The following PLCG2 variants were observed in gnomAD, a reference collection of about 807,000 sequenced individuals.
PLCG2 encodes the protein phospholipase C gamma 2, also known as 1-phosphatidylinositol 4,5-bisphosphate phosphodiesterase gamma-2.
In PLCG2, 69 loss-of-function variants were observed where a neutral mutation model predicts 175.6. That is an observed-to-expected ratio of 0.39 (90% CI 0.32 to 0.48). The LOEUF (loss-of-function observed/expected upper bound fraction) is 0.48, where lower values mean the gene tolerates loss of function less well. Among genes scored for constraint, PLCG2 ranks in the 20% least tolerant of loss-of-function variants. The probability of loss-of-function intolerance (pLI) is 0.91; values close to 1 mark genes in which losing one functional copy is unlikely to be tolerated. For missense variants in PLCG2, 1,798 were observed against 1,650.9 expected (o/e 1.09, Z -1.54); for synonymous variants, 827 against 624.0 (o/e 1.33, Z -4.85).
intron 2 of PLCG2, among the ~76,000 whole-genome samples, chr16:81,827,275 T>A (rs536284104): frequency 5.9e-4 from 90 of 151,718 alleles, no homozygotes; most frequent in Admixed American, 3.3e-3. Flanking sequence ...CAGCCTCAGC[T>A]TCCCAGGATC....
chr16:81,907,809 C>T, intron 16 of PLCG2, 35 bp downstream of exon 16: 2 of 1,507,560 alleles, frequency 1.3e-6, no homozygotes, highest in South Asian at 1.1e-5. Context: ...GGGAGGAGGT[C>T]CCCAGGAACC....
At chr16:81,927,044 C>A (rs1288255968) in intron 22 of PLCG2, 38 bp from the exon 23 acceptor site, 2 of 1,383,040 alleles carry the variant, frequency 1.4e-6, no homozygotes, top group Non-Finnish European at 2.1e-6. Context: ...TTCATGCCAC[C>A]TGGTGACAGC....
intron 2 of PLCG2, among the ~76,000 whole-genome samples, chr16:81,761,556 C>G (rs943614061): frequency 6.6e-6 from 1 of 152,174 alleles, no homozygotes; most frequent in Non-Finnish European, 1.5e-5. Context: ...GCCTTTCAAA[C>G]TTGACCATGG....
chr16:81,859,291 G>T (rs376870668), intron 5 of PLCG2, 128 bp downstream of exon 5: 1 of 641,104 alleles, frequency 1.6e-6, no homozygotes, highest in Non-Finnish European at 2.9e-6. Flanking sequence ...TGTGATCTGC[G>T]GATGCCATGT....
chr16:81,910,803 C>T (rs542613562), intron 18 of PLCG2, 83 bp downstream of exon 18: 49 of 1,321,048 alleles, frequency 3.7e-5, no homozygotes, highest in African/African-American at 2.6e-4. Flanking sequence ...GTGGTTCAGC[C>T]GGGCCAGTCC....
At chr16:81,820,231 A>G (rs1349086461) in intron 2 of PLCG2, among the ~76,000 whole-genome samples, 1 of 152,196 alleles carries the variant, frequency 6.6e-6, no homozygotes, top group Non-Finnish European at 1.5e-5. Context: ...AGACATGTGT[A>G]ACCACCACCC....
intron 1 of PLCG2, chr16:81,739,582 C>G (rs1443742425): frequency 6.6e-6 from 1 of 152,434 alleles, no homozygotes; most frequent in Non-Finnish European, 1.5e-5. Flanking sequence ...GCTGGGACCC[C>G]TTCTCCTGCG....
intron 2 of PLCG2, among the ~76,000 whole-genome samples, chr16:81,763,842 T>TCGGC (rs1910089784): frequency 6.6e-6 from 1 of 151,428 alleles, no homozygotes; most frequent in Non-Finnish European, 1.5e-5. Flanking sequence ...TGGCAGGCAC[T>TCGGC]TGTAATCTCA....
chr16:81,869,182 A>T, intron 5 of PLCG2, 32 bp from the exon 6 acceptor site: 1 of 1,562,644 alleles, frequency 6.4e-7, no homozygotes, highest in Non-Finnish European at 8.8e-7. Context: ...AAAACCCTCA[A>T]GGTGACAGAA....
In PLCG2 at chr16:81,915,444, C is replaced by G. The variant is rs373423564; in HGVS notation, c.2054+2728C>G. Among the ~76,000 whole-genome samples the G allele has an allele frequency of 3.9e-5, 6 of 152,228 alleles. No homozygotes were observed. The East Asian group carries it at 1.2e-3, about 29-fold the overall frequency. ...ATCTCTTGGGCAGTGAAGCTGAGAC[C>G]TCAGGCTGTGGCCGTGGCATCCACG... is the stretch of plus-strand genomic sequence containing the variant. On this transcript the variant is annotated intron_variant, in intron 19 of 32. Transcript: ENST00000564138.
At chr16:81,795,543 G>C (rs535495636) in intron 2 of PLCG2, among the ~76,000 whole-genome samples, 188 of 152,348 alleles carry the variant, frequency 1.2e-3, no homozygotes, top group African/African-American at 4.4e-3. Context: ...ATCACAATGG[G>C]ACTCTGTGCT....
intron 6 of PLCG2, among the ~76,000 whole-genome samples, chr16:81,869,568 C>T (rs1284840464): frequency 2.0e-5 from 3 of 152,212 alleles, no homozygotes; most frequent in Non-Finnish European, 4.4e-5. Flanking sequence ...ATTAGTCCAG[C>T]TTTCCCTATT....
chr16:81,910,516 G>T lies in PLCG2; in HGVS notation c.1734-4G>T. 4 of 1,613,490 alleles carry T rather than the reference G, an allele frequency of 2.5e-6. No individual in the cohort carries two copies. The highest frequency in any genetic ancestry group is 3.4e-6 in the Non-Finnish European group (4 of 1,179,848). On this transcript the variant is annotated splice_polypyrimidine_tract_variant and splice_region_variant and intron_variant, in intron 17 of 32. Transcript: ENST00000564138. ...CCAGCACTGATGGCGTCCTCTCCCCGCAGGCGGTCAGGCCGGGTCCAGCAC... is the reference window on the plus strand; with the variant it reads ...CCAGCACTGATGGCGTCCTCTCCCCTCAGGCGGTCAGGCCGGGTCCAGCAC...
chr16:81,754,381 C>T (rs1368686275), intron 1 of PLCG2, among the ~76,000 whole-genome samples: 1 of 42,364 alleles, frequency 2.4e-5, no homozygotes, highest in Admixed American at 2.3e-4. Flanking sequence ...CTCCTCCCCA[C>T]CCCTCCCCAC....
At chr16:81,790,075 A>G in intron 2 of PLCG2, among the ~76,000 whole-genome samples, 1 of 152,142 alleles carries the variant, frequency 6.6e-6, no homozygotes, top group East Asian at 1.9e-4. Context: ...TTATCTGTGG[A>G]CTGGAAATAA....
rs758045517 is a variant in PLCG2, at chr16:81,907,761, A to G, written c.1544A>G (p.Glu515Gly). 3 of 1,613,118 alleles carry G rather than the reference A, an allele frequency of 1.9e-6. No individual in the cohort carries two copies. The highest frequency in any genetic ancestry group is 2.5e-6 in the Non-Finnish European group (3 of 1,179,420). Residue 515 changes from glutamate to glycine, a missense_variant, in exon 16 of 33, where the codon GAG (glutamate) becomes GGG (glycine). Coordinates refer to ENST00000564138, the MANE Select transcript of PLCG2 (RefSeq NM_002661.5). ...GATGACATTGAACAGACTATGGAGG[A>G]GGAAGTGCCCCAGGTAGGGGGACAC... is the stretch of plus-strand genomic sequence containing the variant. ...FSDDIEQTMEEEVPQDIPPTE... is the reference protein window; with the variant it reads ...FSDDIEQTMEGEVPQDIPPTE...
At chr16:81,769,609 T>C (rs1350378123) in intron 2 of PLCG2, among the ~76,000 whole-genome samples, 2 of 151,244 alleles carry the variant, frequency 1.3e-5, no homozygotes, top group East Asian at 3.9e-4. Context: ...GGTCAGGAGA[T>C]CGAGACCATC....
At chr16:81,855,896 T>C (rs921582306) in intron 3 of PLCG2, among the ~76,000 whole-genome samples, 6 of 152,074 alleles carry the variant, frequency 3.9e-5, no homozygotes, top group Non-Finnish European at 7.4e-5. Context: ...GGGGAGTTGG[T>C]AGAGATGGGG....
intron 7 of PLCG2, among the ~76,000 whole-genome samples, chr16:81,879,484 A>T (rs1907974508): frequency 6.6e-6 from 1 of 152,146 alleles, no homozygotes; most frequent in African/African-American, 2.4e-5. Context: ...CAGAAGAAAC[A>T]CACACCCACA....
Sources: allele counts gnomAD v4.1 joint callset (sites outside exome capture counted in the v4.1 genomes callset), GRCh38; gene constraint gnomAD v4.1.1; transcripts MANE v1.5; gene names NCBI Gene and HGNC (gene_info 2026-07-23, HGNC 2026-07-21).